Variants in ACSS2 observed in about 807,000 individuals in gnomAD.
ACSS2 encodes the protein acyl-CoA synthetase short chain family member 2, also known as acetyl-coenzyme A synthetase, cytoplasmic.
ACSS2 carries 58 observed loss-of-function variants against 90.6 expected under a neutral mutation model. The ratio of observed to expected loss-of-function variants is 0.64; its 90% CI spans 0.52 to 0.80. ACSS2 has a LOEUF of 0.80. Ranked by LOEUF, ACSS2 falls within the 30% of genes least tolerant of loss-of-function variation. The pLI, the probability that ACSS2 is intolerant of heterozygous loss-of-function variation, is 0.00. For missense variants in ACSS2, 759 were observed against 912.0 expected, an observed-to-expected ratio of 0.83 and a Z score of 2.16; for synonymous variants, 300 against 330.9, an observed-to-expected ratio of 0.91 and a Z score of 1.01.
At chr20:34,906,916 G>A (rs559211932) in intron 2 of ACSS2, among the ~76,000 whole-genome samples, 19 of 148,732 alleles carry the variant, frequency 1.3e-4, no homozygotes, top group Middle Eastern at 3.5e-3. Flanking sequence ...CCCTGGAGGC[G>A]GAGGTTGCAG....
At position 34,921,451 on chromosome 20, in the gene ACSS2, C is replaced by A; in HGVS notation, c.1399C>A (p.Gln467Lys). 1 of 1,614,210 alleles carries A rather than the reference C, an allele frequency of 6.2e-7. No homozygotes were observed. Among genetic ancestry groups the A allele is most frequent in the Non-Finnish European group, 8.5e-7 (1 of 1,180,024 alleles). The change falls in exon 11 of 18, where the codon CAA becomes AAA. Residue 467 changes from glutamine (Q) to lysine (K), a missense_variant. Coordinates refer to ENST00000360596, the MANE Select transcript of ACSS2 (RefSeq NM_018677.4). ...QRCPIVDTFW[Q>K]TETGGHMLTP... is the part of the protein sequence containing the mutation. ...CTGCCCCATCGTGGACACCTTCTGG[C>A]AAACAGAGACAGTGAGTGAAGGGTA... is the stretch of plus-strand genomic sequence containing the variant.
At chr20:34,904,413 G>A (rs1004470010) in intron 2 of ACSS2, among the ~76,000 whole-genome samples, 4 of 152,104 alleles carry the variant, frequency 2.6e-5, no homozygotes, top group East Asian at 3.8e-4. Flanking sequence ...TGGGGAGGCC[G>A]TTTGGCTGGA....
intron 7 of ACSS2, 39 bp downstream of exon 7, chr20:34,914,476 T>C (rs2081037365): frequency 3.9e-6 from 6 of 1,534,008 alleles, no homozygotes; most frequent in Non-Finnish European, 5.3e-6. Context: ...CAGGCTCAAA[T>C]TCCTTCACTT....
chr20:34,909,784 G>A (rs770109453), intron 2 of ACSS2, among the ~76,000 whole-genome samples: 15 of 148,812 alleles, frequency 1.0e-4, no homozygotes, highest in Admixed American at 5.4e-4. Context: ...TGGTGTGATC[G>A]CCGCTCGCTG....
At chr20:34,926,314 T>A (rs1569003912) in intron 16 of ACSS2, 33 bp downstream of exon 16, 2 of 1,604,422 alleles carry the variant, frequency 1.2e-6, no homozygotes, top group Non-Finnish European at 1.7e-6. Context: ...GACTATAGGG[T>A]CTGTCTTGGA....
intron 2 of ACSS2, among the ~76,000 whole-genome samples, chr20:34,897,624 T>A (rs2080496278): frequency 6.6e-6 from 1 of 152,078 alleles, no homozygotes; most frequent in Non-Finnish European, 1.5e-5. Flanking sequence ...AGCTTGGCAG[T>A]TTGAGACCAG....
intron 7 of ACSS2, among the ~76,000 whole-genome samples, chr20:34,915,646 G>A (rs988323008): frequency 6.6e-6 from 1 of 152,168 alleles, no homozygotes; most frequent in Non-Finnish European, 1.5e-5. Context: ...TCAAGTTGGG[G>A]AGTTAGACAT....
intron 2 of ACSS2, among the ~76,000 whole-genome samples, chr20:34,892,762 T>C (rs1206199439): frequency 6.6e-6 from 1 of 152,168 alleles, no homozygotes; most frequent in Non-Finnish European, 1.5e-5. Context: ...GGTTGGAGCA[T>C]GGATGGGAGG....
At chr20:34,923,132 AGAGGG>A (rs2081238314) in intron 13 of ACSS2, 186 bp from the exon 14 acceptor site, 1 of 542,268 alleles carries the variant, frequency 1.8e-6, no homozygotes, top group Non-Finnish European at 3.3e-6. Context: ...CCTGAAGCTC[AGAGGG>A]GTAAAGTTAC....
chr20:34,922,135 A>G, intron 13 of ACSS2: 1 of 575,746 alleles, frequency 1.7e-6, no homozygotes, highest in Non-Finnish European at 2.5e-6. Flanking sequence ...ACTAAGTCCC[A>G]TCTTCTTTTG....
chr20:34,902,642 CAGTGGA>C (rs2080693578), intron 2 of ACSS2, among the ~76,000 whole-genome samples: 2 of 151,994 alleles, frequency 1.3e-5, no homozygotes, highest in African/African-American at 2.4e-5. Flanking sequence ...CTTCTATATG[CAGTGGA>C]AGCTGTTAAA....
Position 34,921,086 on chromosome 20 carries a change from A to G in ACSS2, c.1224A>G (p.Thr408=). 1 of 1,614,206 alleles carries G rather than the reference A, an allele frequency of 6.2e-7. No homozygotes were observed. The highest frequency in any genetic ancestry group is 2.2e-5 in the East Asian group (1 of 44,884). ...VDKYKVTKFY[T]APTAIRLLMK... is the part of the protein sequence containing the mutation. ...AATACAAGGTGACCAAGTTCTACAC[A>G]GCACCCACAGCCATCCGTCTGCTCA... The change falls in exon 10 of 18, where the codon ACA becomes ACG. Residue 408 remains threonine, a synonymous_variant. Transcript: ENST00000360596.
chr20:34,926,819 T>C, intron 16 of ACSS2, 58 bp from the exon 17 acceptor site: 2 of 1,591,908 alleles, frequency 1.3e-6, no homozygotes, highest in Non-Finnish European at 8.6e-7. Context: ...TCTACTTTGA[T>C]TTTTGAAAAG....
chr20:34,926,627 A>G (rs577957799), intron 16 of ACSS2, among the ~76,000 whole-genome samples: 59 of 152,342 alleles, frequency 3.9e-4, no homozygotes, highest in African/African-American at 1.3e-3. Context: ...TCACTTGCCC[A>G]AGGCCACACT....
At chr20:34,895,039 T>G (rs1257103800) in intron 2 of ACSS2, among the ~76,000 whole-genome samples, 1 of 152,130 alleles carries the variant, frequency 6.6e-6, no homozygotes, top group African/African-American at 2.4e-5. Context: ...ACAATTCTGA[T>G]GTTGGGGGGA....
At chr20:34,890,298 C>T (rs1196073058) in intron 2 of ACSS2, among the ~76,000 whole-genome samples, 3 of 152,164 alleles carry the variant, frequency 2.0e-5, no homozygotes, top group Non-Finnish European at 4.4e-5. Flanking sequence ...CTGCAAAATA[C>T]AGACTTTGGT....
intron 1 of ACSS2, among the ~76,000 whole-genome samples, chr20:34,879,694 T>C (rs1337109513): frequency 1.3e-5 from 2 of 152,218 alleles, no homozygotes; most frequent in East Asian, 3.8e-4. Context: ...ATTGTGCCAC[T>C]GCACTCCAGC....
At chr20:34,876,906 A>C in intron 1 of ACSS2, 83 bp downstream of exon 1, 3 of 946,968 alleles carry the variant, frequency 3.2e-6, no homozygotes, top group Non-Finnish European at 4.1e-6. Flanking sequence ...CTCCCTTGGG[A>C]AGCTGAGGGG....
intron 2 of ACSS2, among the ~76,000 whole-genome samples, chr20:34,889,313 G>A (rs1413683707): frequency 2.0e-5 from 3 of 151,892 alleles, no homozygotes; most frequent in Middle Eastern, 6.8e-3. Flanking sequence ...TAGTAGAGAT[G>A]GGGTTTCACC....
Sources: allele counts gnomAD v4.1 joint callset (sites outside exome capture counted in the v4.1 genomes callset), GRCh38; gene constraint gnomAD v4.1.1; transcripts MANE v1.5; gene names NCBI Gene and HGNC (gene_info 2026-07-23, HGNC 2026-07-21).